HS3ST5: variants seen among roughly 807,000 people sequenced by gnomAD.
HS3ST5 encodes the protein heparan sulfate-glucosamine 3-sulfotransferase 5, also known as heparan sulfate glucosamine 3-O-sulfotransferase 5.
In HS3ST5, 10 loss-of-function variants were observed where a neutral mutation model predicts 25.4. The observed-to-expected ratio is 0.39, with a 90% CI of 0.24 to 0.67. The LOEUF (loss-of-function observed/expected upper bound fraction) is 0.67. HS3ST5 is among the 30% of genes least tolerant of loss of function. The pLI is 0.44. For synonymous variants in HS3ST5, 170 were observed against 162.4 expected, an observed-to-expected ratio of 1.05 and a Z score of -0.36; for missense variants, 324 against 420.7, an observed-to-expected ratio of 0.77 and a Z score of 2.01.
At chr6:114,078,125 G>A (rs893526070) in intron 3 of HS3ST5, among the ~76,000 whole-genome samples, 3 of 152,130 alleles carry the variant, frequency 2.0e-5, no homozygotes, top group South Asian at 2.1e-4. Flanking sequence ...TAGCAAATTC[G>A]TGTAAGTATA....
intron 1 of HS3ST5, among the ~76,000 whole-genome samples, chr6:114,288,872 A>C (rs1774451765): frequency 6.6e-6 from 1 of 152,048 alleles, no homozygotes; most frequent in Non-Finnish European, 1.5e-5. Flanking sequence ...TTCCTGACCT[A>C]ATCAGCTGCT....
chr6:114,219,329 G>A (rs974466149), intron 2 of HS3ST5, among the ~76,000 whole-genome samples: 1 of 152,174 alleles, frequency 6.6e-6, no homozygotes. Flanking sequence ...GACCATATAG[G>A]TTTACGTAGA....
chr6:114,266,770 A>G (rs1343270298), intron 1 of HS3ST5, among the ~76,000 whole-genome samples: 1 of 152,190 alleles, frequency 6.6e-6, no homozygotes, highest in South Asian at 2.1e-4. Context: ...GAGGCACTAA[A>G]AAGTTTACAG....
intron 1 of HS3ST5, among the ~76,000 whole-genome samples, chr6:114,341,201 A>AATAGG (rs1776829468): frequency 9.7e-6 from 1 of 102,600 alleles, no homozygotes. Flanking sequence ...AGGGAGAGGG[A>AATAGG]GAGGGAATAG....
At chr6:114,128,406 C>T (rs1221223042) in intron 3 of HS3ST5, among the ~76,000 whole-genome samples, 1 of 152,104 alleles carries the variant, frequency 6.6e-6, no homozygotes, top group African/African-American at 2.4e-5. Flanking sequence ...GAACTTCGGT[C>T]ATTATTTATG....
chr6:114,127,476 G>T (rs182523330), intron 3 of HS3ST5, among the ~76,000 whole-genome samples: 7 of 152,014 alleles, frequency 4.6e-5, no homozygotes, highest in Non-Finnish European at 1.0e-4. Flanking sequence ...TAACCTAACT[G>T]GTCAAGAATC....
intron 2 of HS3ST5, among the ~76,000 whole-genome samples, chr6:114,172,230 G>A (rs1400612376): frequency 2.6e-5 from 4 of 152,182 alleles, no homozygotes; most frequent in East Asian, 1.9e-4. Context: ...ATGCCTTTAA[G>A]CTACACTGTA....
intron 3 of HS3ST5, among the ~76,000 whole-genome samples, chr6:114,092,973 C>T (rs1775210157): frequency 6.6e-6 from 1 of 152,052 alleles, no homozygotes; most frequent in Admixed American, 6.6e-5. Flanking sequence ...CTGCACCTGG[C>T]CGATGTCAGG....
intron 3 of HS3ST5, among the ~76,000 whole-genome samples, chr6:114,110,323 G>T (rs1399877148): frequency 6.6e-6 from 1 of 151,852 alleles, no homozygotes; most frequent in Non-Finnish European, 1.5e-5. Context: ...CATACTAGAT[G>T]TTTATTAAAA....
At chr6:114,318,595 G>A (rs1432562524) in intron 1 of HS3ST5, among the ~76,000 whole-genome samples, 1 of 152,030 alleles carries the variant, frequency 6.6e-6, no homozygotes, top group Non-Finnish European at 1.5e-5. Flanking sequence ...TTTTCCTCTA[G>A]CTCTTTATAA....
chr6:114,211,084 A>C (rs1781493255), intron 2 of HS3ST5, among the ~76,000 whole-genome samples: 1 of 152,234 alleles, frequency 6.6e-6, no homozygotes, highest in Admixed American at 6.5e-5. Context: ...AGATGTGACC[A>C]ACCTAGAGTA....
intron 1 of HS3ST5, among the ~76,000 whole-genome samples, chr6:114,238,698 A>T (rs1204010615): frequency 6.6e-6 from 1 of 152,160 alleles, no homozygotes; most frequent in Admixed American, 6.5e-5. Flanking sequence ...ATATCCTGAG[A>T]TGTCACCAAC....
chr6:114,335,782 G>A (rs1349990368), intron 1 of HS3ST5, among the ~76,000 whole-genome samples: 1 of 152,032 alleles, frequency 6.6e-6, no homozygotes, highest in Non-Finnish European at 1.5e-5. Flanking sequence ...AGCCTCCTGA[G>A]TAGCTGGGAT....
intron 3 of HS3ST5, among the ~76,000 whole-genome samples, chr6:114,164,353 C>G (rs1254423645): frequency 6.6e-6 from 1 of 152,108 alleles, no homozygotes; most frequent in Non-Finnish European, 1.5e-5. Context: ...ATTCTGCCAT[C>G]AAAATGCTTA....
intron 3 of HS3ST5, among the ~76,000 whole-genome samples, chr6:114,128,475 C>T (rs762942797): frequency 3.3e-5 from 5 of 152,076 alleles, no homozygotes; most frequent in Non-Finnish European, 7.4e-5. Flanking sequence ...TGGGGATATA[C>T]GCAGGGATGA....
intron 3 of HS3ST5, among the ~76,000 whole-genome samples, chr6:114,077,059 C>G (rs79272071): frequency 0.012 from 1,785 of 152,224 alleles, 37 homozygotes; most frequent in African/African-American, 0.041. Flanking sequence ...GAGCAAATTC[C>G]AAATTTTCAT....
In HS3ST5 at chr6:114,062,881, C is replaced by G; in HGVS notation, c.-32-4G>C. Reference sequence around the variant, plus strand: ...CAACCTTCAGGACTGCTGCAGCCTGCGATAGAAGGACTCATCAGCAGCCAT... The same window carrying G: ...CAACCTTCAGGACTGCTGCAGCCTGGGATAGAAGGACTCATCAGCAGCCAT... On this transcript the variant is annotated splice_region_variant and splice_polypyrimidine_tract_variant and intron_variant, in intron 3 of 4. Transcript: ENST00000312719. 1 of 1,524,904 alleles carries G rather than the reference C, an allele frequency of 6.6e-7. No individual in the cohort carries two copies. Among genetic ancestry groups the G allele is most frequent in the Non-Finnish European group, 9.1e-7 (1 of 1,100,262 alleles). The allele number at this position is 1,524,904 out of a possible 1,614,324, so 94.5% of individuals were successfully genotyped here.
At chr6:114,248,338 A>G (rs556338312) in intron 1 of HS3ST5, among the ~76,000 whole-genome samples, 1 of 151,620 alleles carries the variant, frequency 6.6e-6, no homozygotes, top group African/African-American at 2.4e-5. Context: ...GAGAACAACT[A>G]ATCTTTGTTT....
At chr6:114,245,346 C>G (rs1772330278) in intron 1 of HS3ST5, among the ~76,000 whole-genome samples, 1 of 152,118 alleles carries the variant, frequency 6.6e-6, no homozygotes, top group Non-Finnish European at 1.5e-5. Context: ...TCCTAACCCA[C>G]AGTTATGAGA....
Sources: allele counts gnomAD v4.1 joint callset (sites outside exome capture counted in the v4.1 genomes callset), GRCh38; gene constraint gnomAD v4.1.1; transcripts MANE v1.5; gene names NCBI Gene and HGNC (gene_info 2026-07-23, HGNC 2026-07-21).